SOX5: variants seen among roughly 807,000 people sequenced by gnomAD.
SOX5 encodes the protein SRY-box transcription factor 5, also known as transcription factor SOX-5.
SOX5 carries 9 observed loss-of-function variants against 92.0 expected under a neutral mutation model. The observed-to-expected ratio is 0.10, with a 90% CI of 0.06 to 0.17. The LOEUF is 0.17. SOX5 is among the 10% of genes least tolerant of loss of function. SOX5 has a pLI of 1.00. For missense variants in SOX5, 642 were observed against 944.5 expected (o/e 0.68, Z 4.20); for synonymous variants, 344 against 336.3 (o/e 1.02, Z -0.25).
chr12:23,923,711 A>C (rs1939131825), intron 1 of SOX5, among the ~76,000 whole-genome samples: 1 of 152,114 alleles, frequency 6.6e-6, no homozygotes, highest in Admixed American at 6.5e-5. Flanking sequence ...GCCTGTCCCC[A>C]GCCTATATGT....
At chr12:23,808,325 T>C (rs1174443454) in intron 3 of SOX5, among the ~76,000 whole-genome samples, 2 of 152,114 alleles carry the variant, frequency 1.3e-5, no homozygotes, top group African/African-American at 4.8e-5. Context: ...CCTTCACATA[T>C]AAGTTTTGTA....
At chr12:23,596,933 T>A (rs1303080996) in intron 9 of SOX5, among the ~76,000 whole-genome samples, 1 of 152,206 alleles carries the variant, frequency 6.6e-6, no homozygotes, top group African/African-American at 2.4e-5. Flanking sequence ...TGTCCTGTTT[T>A]TATTTCCCTA....
chr12:23,709,568 C>T (rs1438680340), intron 6 of SOX5, among the ~76,000 whole-genome samples: 4 of 152,128 alleles, frequency 2.6e-5, no homozygotes, highest in African/African-American at 4.8e-5. Context: ...CTACGAGAGC[C>T]GCTTTAATTC....
intron 4 of SOX5, among the ~76,000 whole-genome samples, chr12:24,123,004 A>G (rs1948779447): frequency 1.3e-5 from 2 of 152,226 alleles, no homozygotes; most frequent in South Asian, 2.1e-4. Flanking sequence ...CAAAAGCCAA[A>G]CCAGATTTCA....
At chr12:24,058,711 TAGA>T (rs905218848) in intron 4 of SOX5, among the ~76,000 whole-genome samples, 2 of 152,160 alleles carry the variant, frequency 1.3e-5, no homozygotes, top group Admixed American at 6.5e-5. Context: ...AGCTACAGTT[TAGA>T]AGTAGTCTTT....
At chr12:23,541,500 T>G (rs750277672) in intron 13 of SOX5, among the ~76,000 whole-genome samples, 2 of 152,040 alleles carry the variant, frequency 1.3e-5, no homozygotes, top group Non-Finnish European at 2.9e-5. Context: ...AAATTTCACA[T>G]GGAAGGTAGA....
intron 4 of SOX5, among the ~76,000 whole-genome samples, chr12:24,206,754 C>G (rs565819960): frequency 6.6e-6 from 1 of 152,326 alleles, no homozygotes; most frequent in East Asian, 1.9e-4. Context: ...CAACTGAAAG[C>G]TTTCCTGTGC....
chr12:23,771,187 CAAAAAAAAA>C (rs376988688), intron 3 of SOX5, among the ~76,000 whole-genome samples: 1 of 108,616 alleles, frequency 9.2e-6, no homozygotes, highest in Admixed American at 8.8e-5. Flanking sequence ...AAAAATGGAG[CAAAAAAAAA>C]AAAAAAAAGA....
chr12:24,373,322 A>C (rs997508010), intron 1 of SOX5, among the ~76,000 whole-genome samples: 1 of 152,226 alleles, frequency 6.6e-6, no homozygotes, highest in African/African-American at 2.4e-5. Flanking sequence ...ATAAAACACT[A>C]ATCTTATCGT....
intron 1 of SOX5, among the ~76,000 whole-genome samples, chr12:24,493,247 A>G (rs1947273815): frequency 6.6e-6 from 1 of 152,238 alleles, no homozygotes; most frequent in African/African-American, 2.4e-5. Context: ...GTTAAAAATC[A>G]GTGTCAACAG....
intron 3 of SOX5, among the ~76,000 whole-genome samples, chr12:23,791,045 T>A (rs980655589): frequency 6.6e-6 from 1 of 152,134 alleles, no homozygotes; most frequent in Non-Finnish European, 1.5e-5. Context: ...CTGCTGAGGA[T>A]CAAAATTTCA....
chr12:23,989,429 T>C (rs540533032), intron 4 of SOX5, among the ~76,000 whole-genome samples: 159 of 151,982 alleles, frequency 1.0e-3, no homozygotes, highest in African/African-American at 3.6e-3. Flanking sequence ...TTAATAGACT[T>C]TTAGTATGAT....
At chr12:23,775,873 C>G (rs1215239739) in intron 3 of SOX5, among the ~76,000 whole-genome samples, 1 of 152,162 alleles carries the variant, frequency 6.6e-6, no homozygotes, top group African/African-American at 2.4e-5. Context: ...CTTTGACATA[C>G]CATCTAACGC....
intron 4 of SOX5, among the ~76,000 whole-genome samples, chr12:24,183,721 A>G (rs1447329207): frequency 6.6e-6 from 1 of 152,172 alleles, no homozygotes; most frequent in Non-Finnish European, 1.5e-5. Flanking sequence ...TTCCTATAGC[A>G]CATACAAAAT....
At chr12:24,327,033 T>C (rs1381486992) in intron 2 of SOX5, among the ~76,000 whole-genome samples, 1 of 152,178 alleles carries the variant, frequency 6.6e-6, no homozygotes, top group African/African-American at 2.4e-5. Context: ...AAATATGTTG[T>C]ATGAATGAAT....
At chr12:23,912,328 A>T (rs1270412368) in intron 1 of SOX5, among the ~76,000 whole-genome samples, 2 of 152,184 alleles carry the variant, frequency 1.3e-5, no homozygotes, top group African/African-American at 4.8e-5. Flanking sequence ...AGAATGGCTA[A>T]AATAAAAAGG....
At chr12:24,425,091 T>C (rs1017836808) in intron 1 of SOX5, among the ~76,000 whole-genome samples, 85 of 152,178 alleles carry the variant, frequency 5.6e-4, no homozygotes, top group African/African-American at 2.0e-3. Flanking sequence ...CAAAATGATA[T>C]CAGAATTAAT....
rs1944939423 is a variant in SOX5 at position 24,093,579 on chromosome 12, C to A, written c.-2+119764G>T. Among the ~76,000 whole-genome samples the A allele has an allele frequency of 2.0e-5, 3 of 151,246 alleles. No homozygotes were observed. In the South Asian group the frequency reaches 6.3e-4, roughly 32 times the overall value. On this transcript the variant is annotated intron_variant, in intron 4 of 4. Transcript: ENST00000446891. ...TACTTCAACCATTCTCCATTCTGTTCAAAAAAGTTTCATCATATCAAAGAA... is the reference window on the plus strand; with the variant it reads ...TACTTCAACCATTCTCCATTCTGTTAAAAAAAGTTTCATCATATCAAAGAA...
intron 2 of SOX5, among the ~76,000 whole-genome samples, chr12:24,279,310 G>T (rs1944885218): frequency 6.6e-6 from 1 of 152,038 alleles, no homozygotes; most frequent in South Asian, 2.1e-4. Context: ...AGCAGCCTGA[G>T]AGAAAATTCT....
Sources: gnomAD v4.1 joint callset for allele counts (sites outside exome capture counted in the v4.1 genomes callset) on GRCh38, gnomAD v4.1.1 for gene constraint, MANE v1.5 for transcripts, NCBI Gene and HGNC (gene_info 2026-07-23, HGNC 2026-07-21) for gene names.